The following STK32A variants were observed in gnomAD, a reference collection of about 807,000 sequenced individuals.
The protein encoded by STK32A is serine/threonine-protein kinase 32A.
A neutral mutation model predicts 53.2 loss-of-function variants in STK32A; 41 were observed. The ratio of observed to expected loss-of-function variants is 0.77; its 90% CI spans 0.60 to 1.00. The LOEUF is 1.00. Ranked by LOEUF, STK32A falls within the 50% of genes least tolerant of loss-of-function variation. STK32A has a pLI of 0.00. For missense variants in STK32A, 458 were observed against 485.8 expected, an observed-to-expected ratio of 0.94 and a Z score of 0.54; for synonymous variants, 166 against 162.8, an observed-to-expected ratio of 1.02 and a Z score of -0.15.
chr5:147,238,683 TATAAC>T (rs1259776085), intron 1 of STK32A, among the ~76,000 whole-genome samples: 7 of 152,166 alleles, frequency 4.6e-5, no homozygotes, highest in African/African-American at 1.2e-4. Flanking sequence ...ATAAATGTGA[TATAAC>T]ATACGTATGA....
chr5:147,332,295 C>G (rs896385388), intron 5 of STK32A, among the ~76,000 whole-genome samples: 1 of 149,836 alleles, frequency 6.7e-6, no homozygotes, highest in Admixed American at 6.6e-5. Flanking sequence ...CAGAGACTGT[C>G]TTTGCTTACT....
intron 2 of STK32A, among the ~76,000 whole-genome samples, chr5:147,272,363 C>CACTG (rs1421682684): frequency 6.6e-6 from 1 of 152,330 alleles, no homozygotes; most frequent in East Asian, 1.9e-4. Context: ...AGGCGTTAGC[C>CACTG]ACTGCACTCA....
At chr5:147,321,201 C>T (rs186635261) in intron 4 of STK32A, among the ~76,000 whole-genome samples, 1 of 152,220 alleles carries the variant, frequency 6.6e-6, no homozygotes, top group African/African-American at 2.4e-5. Context: ...TGATAACCCA[C>T]CAAAGAAAGT....
intron 4 of STK32A, among the ~76,000 whole-genome samples, chr5:147,281,337 T>C (rs1752055055): frequency 6.6e-6 from 1 of 152,094 alleles, no homozygotes; most frequent in Non-Finnish European, 1.5e-5. Flanking sequence ...TGAAGCTCAG[T>C]GCAAGGGAAT....
intron 4 of STK32A, among the ~76,000 whole-genome samples, chr5:147,318,276 A>G (rs1754113239): frequency 1.3e-5 from 2 of 152,180 alleles, no homozygotes; most frequent in African/African-American, 4.8e-5. Flanking sequence ...AAATGCAAAG[A>G]AAAAAAGAAT....
At chr5:147,264,739 G>C (rs1754730830) in intron 2 of STK32A, among the ~76,000 whole-genome samples, 1 of 152,050 alleles carries the variant, frequency 6.6e-6, no homozygotes, top group Admixed American at 6.6e-5. Context: ...AAATGAAAAA[G>C]AAAGGACAAT....
At chr5:147,316,629 G>A (rs887692691) in intron 4 of STK32A, among the ~76,000 whole-genome samples, 18 of 152,088 alleles carry the variant, frequency 1.2e-4, no homozygotes, top group African/African-American at 4.1e-4. Flanking sequence ...TTGAAAAGTG[G>A]TAAATAAAGG....
intron 2 of STK32A, among the ~76,000 whole-genome samples, chr5:147,259,111 AG>A (rs1754374862): frequency 6.6e-6 from 1 of 152,160 alleles, no homozygotes; most frequent in South Asian, 2.1e-4. Flanking sequence ...GAAGGGATTT[AG>A]ATCCCCTGTT....
chr5:147,389,964 GGTCTA>G (rs1466717099), downstream of STK32A, among the ~76,000 whole-genome samples: 3 of 152,158 alleles, frequency 2.0e-5, no homozygotes, highest in Admixed American at 2.0e-4. Flanking sequence ...CTGATGTCAG[GGTCTA>G]GCACTTAGAT....
At chr5:147,324,129 G>T in intron 5 of STK32A, 58 bp downstream of exon 5, 4 of 1,443,718 alleles carry the variant, frequency 2.8e-6, no homozygotes, top group South Asian at 1.3e-5. Flanking sequence ...ATCCACAACT[G>T]GCTACCTTCA....
rs1298997874 is a variant in STK32A, at chr5:147,316,826, G to A, written c.261-7072G>A. On this transcript the variant is annotated intron_variant, in intron 4 of 12. Transcript: ENST00000397936. Reference sequence around the variant, plus strand: ...ACTATGATGGCACCACTGTGGTCCAGCCAGGGTTAAATAGCAAGACCCTGT... The same window carrying A: ...ACTATGATGGCACCACTGTGGTCCAACCAGGGTTAAATAGCAAGACCCTGT... Among the ~76,000 whole-genome samples the A allele has an allele frequency of 2.5e-5, 3 of 118,706 alleles. No homozygotes were observed. The East Asian group carries it at 7.9e-4, about 31-fold the overall frequency. 77.9% of individuals were successfully genotyped at this position (118,706 alleles called of 152,430 possible). A position where few individuals can be genotyped will look rare whatever the true frequency, so the allele number is the denominator to read the frequency against.
intron 2 of STK32A, among the ~76,000 whole-genome samples, chr5:147,258,920 T>TA (rs1218073675): frequency 2.2e-4 from 33 of 150,916 alleles, no homozygotes; most frequent in Non-Finnish European, 2.8e-4. Flanking sequence ...GATGGCTTTT[T>TA]TTTATTATTA....
chr5:147,337,782 G>T (rs1755209929), intron 5 of STK32A, among the ~76,000 whole-genome samples: 2 of 152,190 alleles, frequency 1.3e-5, no homozygotes, highest in African/African-American at 2.4e-5. Flanking sequence ...AGGAATTGAG[G>T]ATATGAGTTT....
At chr5:147,375,357 T>C in intron 11 of STK32A, 139 bp downstream of exon 11, 1 of 1,136,126 alleles carries the variant, frequency 8.8e-7, no homozygotes, top group Non-Finnish European at 1.2e-6. Flanking sequence ...TCAGCCGGGT[T>C]TCTAAAAGGG....
intron 2 of STK32A, among the ~76,000 whole-genome samples, chr5:147,262,893 A>T (rs535873864): frequency 1.3e-5 from 2 of 152,316 alleles, no homozygotes; most frequent in African/African-American, 4.8e-5. Flanking sequence ...TGGCACTGTC[A>T]CGTGCCTCTA....
At chr5:147,266,560 T>C (rs921322902) in intron 2 of STK32A, among the ~76,000 whole-genome samples, 1 of 152,218 alleles carries the variant, frequency 6.6e-6, no homozygotes, top group African/African-American at 2.4e-5. Flanking sequence ...TGTAACTTAA[T>C]TTTAAAAAGT....
At chr5:147,306,215 C>T (rs1753400555) in intron 4 of STK32A, among the ~76,000 whole-genome samples, 4 of 151,836 alleles carry the variant, frequency 2.6e-5, no homozygotes, top group Admixed American at 2.0e-4. Flanking sequence ...TGAGTTTGGG[C>T]ATATTTTTGC....
the STK32A span, chr5:147,400,773 A>G: frequency 6.2e-7 from 1 of 1,614,172 alleles, no homozygotes; most frequent in South Asian, 1.1e-5. Flanking sequence ...TGTCCTTCCC[A>G]ATTGCTTTCT....
chr5:147,283,782 C>A (rs546079078), intron 4 of STK32A, among the ~76,000 whole-genome samples: 1 of 151,830 alleles, frequency 6.6e-6, no homozygotes, highest in African/African-American at 2.4e-5. Flanking sequence ...TAGCAAGCAG[C>A]GAGATTGAAA....
Sources: gnomAD v4.1 joint callset for allele counts (sites outside exome capture counted in the v4.1 genomes callset) on GRCh38, gnomAD v4.1.1 for gene constraint, MANE v1.5 for transcripts, NCBI Gene and HGNC (gene_info 2026-07-23, HGNC 2026-07-21) for gene names.